SLIT2: variants seen among roughly 807,000 people sequenced by gnomAD.
SLIT2 encodes the protein slit homolog 2 protein.
SLIT2 carries 41 observed loss-of-function variants against 185.7 expected under a neutral mutation model. The observed-to-expected ratio is 0.22, with a 90% CI of 0.17 to 0.29. The LOEUF (loss-of-function observed/expected upper bound fraction) is 0.29. Ranked by LOEUF, SLIT2 falls within the 10% of genes least tolerant of loss-of-function variation. The pLI, the probability that SLIT2 is intolerant of heterozygous loss-of-function variation, is 1.00. For missense variants in SLIT2, 1,571 were observed against 1,909.0 expected (o/e 0.82, Z 3.30); for synonymous variants, 693 against 680.2 (o/e 1.02, Z -0.29).
chr4:20,284,715 C>A (rs1163223724), intron 4 of SLIT2, among the ~76,000 whole-genome samples: 1 of 152,070 alleles, frequency 6.6e-6, no homozygotes, highest in Non-Finnish European at 1.5e-5. Flanking sequence ...TTTACAAAAT[C>A]CTGAAGAAAG....
chr4:20,441,701 C>G (rs956175148), intron 4 of SLIT2, among the ~76,000 whole-genome samples: 1 of 152,122 alleles, frequency 6.6e-6, no homozygotes, highest in South Asian at 2.1e-4. Context: ...CAGTCACTTC[C>G]AAGATCCAGA....
intron 4 of SLIT2, among the ~76,000 whole-genome samples, chr4:20,430,611 G>A (rs1728897203): frequency 6.6e-6 from 1 of 152,128 alleles, no homozygotes; most frequent in Non-Finnish European, 1.5e-5. Flanking sequence ...TTCACCACAA[G>A]TTACTTACCT....
intron 4 of SLIT2, among the ~76,000 whole-genome samples, chr4:20,424,470 A>G (rs1447758860): frequency 6.6e-6 from 1 of 152,090 alleles, no homozygotes; most frequent in East Asian, 1.9e-4. Context: ...CTCATACAAT[A>G]AAATTTCACA....
At position 20,531,757 on chromosome 4, in the gene SLIT2, GT is replaced by G. The variant is rs550588895; in HGVS notation, c.1614-214del. Among the ~76,000 whole-genome samples, 637 of 140,564 alleles carry G rather than the reference GT, an allele frequency of 4.5e-3. 3 individuals carry two copies. Among genetic ancestry groups the G allele is most frequent in the South Asian group, 0.014 (63 of 4,384 alleles). The allele number at this position is 140,564 out of a possible 152,430, so 92.2% of individuals were successfully genotyped here. A position where few individuals can be genotyped will look rare whatever the true frequency, so the allele number is the denominator to read the frequency against. On this transcript the variant is annotated intron_variant, in intron 16 of 36. Coordinates refer to ENST00000504154, the MANE Select transcript of SLIT2 (RefSeq NM_004787.4). ...ACTGAGAGCTGGTTTTGATCTTTGT[GT>G]TTTTTTTTTTTTACTGTGTGCTTCC...
chr4:20,620,253 C>T lies in SLIT2; in HGVS notation c.*1244C>T. ...GGTGAGGTGGGGATAAAAAGACTGT[C>T]ATATCAAGAACTGTGACTTTTCTTT... On this transcript the variant is annotated 3_prime_UTR_variant, in exon 37 of 37. Coordinates refer to ENST00000504154, the MANE Select transcript of SLIT2 (RefSeq NM_004787.4). The T allele has an allele frequency of 6.0e-6, 2 of 332,806 alleles. No individual in the cohort carries two copies. Among genetic ancestry groups the T allele is most frequent in the Non-Finnish European group, 1.2e-5 (2 of 173,252 alleles). The allele number at this position is 332,806 out of a possible 1,614,324, so 20.6% of individuals were successfully genotyped here.
rs747148502 is a variant in SLIT2, at chr4:20,488,931, C to T, written c.724C>T (p.Leu242=). Residue 242 remains leucine (L), a synonymous_variant, in exon 8 of 37, where the codon CTG becomes TTG. Transcript: ENST00000504154. ...LYTQCMGPSH[L]RGHNVAEVQK... ...CACTCAGTGTATGGGCCCCTCCCAC[C>T]TGAGAGGCCATAATGTAGCCGAGGT... is the stretch of plus-strand genomic sequence containing the variant. 7.0e-5 allele frequency: 113 copies of T among 1,611,534 alleles called. No homozygotes were observed. Among genetic ancestry groups the T allele is most frequent in the Non-Finnish European group, 9.1e-5 (107 of 1,178,108 alleles).
At chr4:20,585,056 A>C (rs1205726676) in intron 29 of SLIT2, among the ~76,000 whole-genome samples, 1 of 152,124 alleles carries the variant, frequency 6.6e-6, no homozygotes, top group Non-Finnish European at 1.5e-5. Context: ...CTCTATCTCA[A>C]AAAAAACAAA....
chr4:20,531,960 CT>C, intron 16 of SLIT2, 23 bp from the exon 17 acceptor site: 1 of 1,425,934 alleles, frequency 7.0e-7, no homozygotes, highest in Non-Finnish European at 9.6e-7. Flanking sequence ...AATAAAACTT[CT>C]CTATTCCTTC....
intron 4 of SLIT2, among the ~76,000 whole-genome samples, chr4:20,415,197 G>T (rs969974257): frequency 1.3e-5 from 2 of 152,098 alleles, no homozygotes; most frequent in Non-Finnish European, 2.9e-5. Flanking sequence ...GGATCACGAG[G>T]TCAGGAGACA....
At chr4:20,259,153 A>G (rs774205273) in intron 3 of SLIT2, among the ~76,000 whole-genome samples, 64 of 151,872 alleles carry the variant, frequency 4.2e-4, no homozygotes, top group Admixed American at 7.2e-4. Flanking sequence ...AACTAATTTT[A>G]GAGGGAAATT....
rs1310402423 is a variant in SLIT2 at position 20,472,374 on chromosome 4, A to ATC, written c.467+4553_467+4554dup. ...TATAGATATCTATATAGATATCTAT[A>ATC]TCTATATATATGTAGATATATAGAT... On this transcript the variant is annotated intron_variant, in intron 5 of 36. Coordinates refer to ENST00000504154, the MANE Select transcript of SLIT2 (RefSeq NM_004787.4). Among the ~76,000 whole-genome samples, 24 of 30,928 alleles carry ATC rather than the reference A, an allele frequency of 7.8e-4. 1 individual carries two copies. The East Asian group carries it at 0.017, about 21-fold the overall frequency. 20.3% of individuals were successfully genotyped at this position (30,928 alleles called of 152,430 possible). A position where few individuals can be genotyped will look rare whatever the true frequency, so the allele number is the denominator to read the frequency against.
chr4:20,610,246 C>CTAA (rs1029244598), intron 34 of SLIT2, 79 bp downstream of exon 34: 19 of 1,255,110 alleles, frequency 1.5e-5, no homozygotes, highest in Non-Finnish European at 2.1e-5. Context: ...TTGTTAATGC[C>CTAA]TAATATATCA....
intron 5 of SLIT2, among the ~76,000 whole-genome samples, chr4:20,472,228 A>ATATATAGATATATATC (rs1715123501): frequency 1.0e-5 from 1 of 95,456 alleles, no homozygotes; most frequent in African/African-American, 4.0e-5. Flanking sequence ...GTGTGTATAT[A>ATATATAGATATATATC]TATATAGATC....
intron 30 of SLIT2, 36 bp downstream of exon 30, chr4:20,589,773 G>A (rs770862738): frequency 5.4e-6 from 8 of 1,490,418 alleles, no homozygotes; most frequent in Non-Finnish European, 3.7e-6. Context: ...CACAGTCAGG[G>A]TAGGGGACCC....
At chr4:20,576,773 G>A (rs1018487873) in intron 29 of SLIT2, among the ~76,000 whole-genome samples, 4 of 152,106 alleles carry the variant, frequency 2.6e-5, no homozygotes, top group Admixed American at 6.5e-5. Context: ...TAGTTAATAG[G>A]CAGTGCCCAT....
At chr4:20,601,379 A>G (rs566744938) in intron 33 of SLIT2, among the ~76,000 whole-genome samples, 1 of 152,336 alleles carries the variant, frequency 6.6e-6, no homozygotes, top group East Asian at 1.9e-4. Flanking sequence ...TAAATGTAAA[A>G]TATTTGCAAC....
chr4:20,537,568 T>C (rs1289445682), intron 18 of SLIT2, among the ~76,000 whole-genome samples: 4 of 152,206 alleles, frequency 2.6e-5, no homozygotes, highest in Non-Finnish European at 5.9e-5. Context: ...TAAATTCCAC[T>C]TTCTCCTTTC....
chr4:20,312,199 T>G (rs1718170815), intron 4 of SLIT2, among the ~76,000 whole-genome samples: 1 of 152,210 alleles, frequency 6.6e-6, no homozygotes, highest in Non-Finnish European at 1.5e-5. Context: ...GTTAAATATT[T>G]CGCTTTAAGT....
intron 26 of SLIT2, among the ~76,000 whole-genome samples, chr4:20,561,695 C>A (rs933420725): frequency 6.6e-6 from 1 of 151,504 alleles, no homozygotes; most frequent in Admixed American, 6.6e-5. Context: ...ATTACTAGTA[C>A]ATAGTTGTAT....
Sources: allele counts gnomAD v4.1 joint callset (sites outside exome capture counted in the v4.1 genomes callset), GRCh38; gene constraint gnomAD v4.1.1; transcripts MANE v1.5; gene names NCBI Gene and HGNC (gene_info 2026-07-23, HGNC 2026-07-21).